Variants in SLC16A7 observed in about 807,000 individuals in gnomAD.
SLC16A7 encodes solute carrier family 16 member 7.
Under a neutral mutation model 34.9 loss-of-function variants are expected in SLC16A7, and 33 were observed. The ratio of observed to expected loss-of-function variants is 0.94; its 90% CI spans 0.72 to 1.26. The LOEUF is 1.26. SLC16A7 is among the 50% of genes most tolerant of loss of function. The probability of loss-of-function intolerance (pLI) is 0.00; values close to 1 mark genes in which losing one functional copy is unlikely to be tolerated. For synonymous variants in SLC16A7, 201 were observed against 206.6 expected, an observed-to-expected ratio of 0.97 and a Z score of 0.23; for missense variants, 573 against 578.1, an observed-to-expected ratio of 0.99 and a Z score of 0.09.
intron 3 of SLC16A7, among the ~76,000 whole-genome samples, chr12:59,725,191 G>A (rs908924268): frequency 3.9e-5 from 6 of 152,042 alleles, no homozygotes; most frequent in South Asian, 2.1e-4. Context: ...ATGGTTTGTC[G>A]TTAAACAGCT....
chr12:59,610,129 T>A (rs1193731831), intron 1 of SLC16A7, among the ~76,000 whole-genome samples: 2 of 152,146 alleles, frequency 1.3e-5, no homozygotes, highest in Admixed American at 6.5e-5. Context: ...GAATCCTCCC[T>A]CTTTGCACAC....
intron 3 of SLC16A7, among the ~76,000 whole-genome samples, chr12:59,754,640 A>G (rs1306646845): frequency 6.6e-6 from 1 of 152,212 alleles, no homozygotes; most frequent in African/African-American, 2.4e-5. Context: ...AAAAGAGTCC[A>G]GGACCAGATG....
At chr12:59,633,021 G>T (rs1489143801) in intron 1 of SLC16A7, among the ~76,000 whole-genome samples, 3 of 151,976 alleles carry the variant, frequency 2.0e-5, no homozygotes, top group Non-Finnish European at 1.5e-5. Flanking sequence ...CCGACTTCCA[G>T]GCCTTGGTTG....
intron 1 of SLC16A7, among the ~76,000 whole-genome samples, chr12:59,601,348 A>G (rs1257653877): frequency 6.6e-6 from 1 of 152,210 alleles, no homozygotes; most frequent in Non-Finnish European, 1.5e-5. Context: ...AGATAAGAAT[A>G]AAAAATAAAA....
At chr12:59,671,823 ATATG>A (rs1469057122) in intron 2 of SLC16A7, among the ~76,000 whole-genome samples, 1 of 137,650 alleles carries the variant, frequency 7.3e-6, no homozygotes, top group South Asian at 2.2e-4. Context: ...ATATATGTGT[ATATG>A]TATATATGTA....
intron 1 of SLC16A7, among the ~76,000 whole-genome samples, chr12:59,651,011 C>A (rs1868333701): frequency 6.6e-6 from 1 of 152,136 alleles, no homozygotes; most frequent in East Asian, 1.9e-4. Context: ...TACTCCCATG[C>A]AGAGCCCTTC....
At chr12:59,604,269 C>T (rs1878829258) in intron 1 of SLC16A7, among the ~76,000 whole-genome samples, 1 of 152,236 alleles carries the variant, frequency 6.6e-6, no homozygotes. Flanking sequence ...ATATAGCGAT[C>T]TACCTCTGGG....
chr12:59,715,288 T>G (rs1874765958), intron 3 of SLC16A7, among the ~76,000 whole-genome samples: 1 of 152,234 alleles, frequency 6.6e-6, no homozygotes, highest in Admixed American at 6.5e-5. Context: ...TTGTTTTCTA[T>G]GTGTTTCCAT....
At chr12:59,777,125 G>A (rs1026868226) in intron 5 of SLC16A7, among the ~76,000 whole-genome samples, 3 of 152,120 alleles carry the variant, frequency 2.0e-5, no homozygotes, top group Admixed American at 2.0e-4. Context: ...CAGATAATGT[G>A]CATTAATATT....
chr12:59,723,403 A>G (rs1054996323), intron 3 of SLC16A7, among the ~76,000 whole-genome samples: 3 of 151,970 alleles, frequency 2.0e-5, no homozygotes, highest in Admixed American at 1.3e-4. Flanking sequence ...GGTGACAAAG[A>G]TGTAGTGCTA....
chr12:59,607,024 T>G (rs1458287921), intron 1 of SLC16A7, among the ~76,000 whole-genome samples: 17 of 152,192 alleles, frequency 1.1e-4, no homozygotes, highest in Admixed American at 1.1e-3. Context: ...ATTTTGTAAA[T>G]AAAGTGTTTT....
At chr12:59,759,185 T>C (rs540083021) in intron 3 of SLC16A7, among the ~76,000 whole-genome samples, 1 of 152,122 alleles carries the variant, frequency 6.6e-6, no homozygotes, top group South Asian at 2.1e-4. Flanking sequence ...TTTTATAGTA[T>C]TTAGGGTAGA....
At chr12:59,749,017 A>G (rs1879205183) in intron 3 of SLC16A7, among the ~76,000 whole-genome samples, 1 of 152,212 alleles carries the variant, frequency 6.6e-6, no homozygotes. Flanking sequence ...GACTTCCAAG[A>G]CATCACTGAA....
At chr12:59,600,636 T>C (rs1468853867) in intron 1 of SLC16A7, among the ~76,000 whole-genome samples, 1 of 152,178 alleles carries the variant, frequency 6.6e-6, no homozygotes, top group Non-Finnish European at 1.5e-5. Flanking sequence ...TTATCACACG[T>C]ATTTGGTAAT....
chr12:59,612,550 T>A (rs540907509), intron 1 of SLC16A7, among the ~76,000 whole-genome samples: 26 of 152,330 alleles, frequency 1.7e-4, no homozygotes, highest in African/African-American at 5.8e-4. Flanking sequence ...TTCTTGTTAC[T>A]TATGCAAATT....
At chr12:59,719,494 A>G (rs1043829803) in intron 3 of SLC16A7, among the ~76,000 whole-genome samples, 6 of 152,140 alleles carry the variant, frequency 3.9e-5, no homozygotes, top group Non-Finnish European at 7.4e-5. Flanking sequence ...TCCCAAAAAA[A>G]TGAGTTAAAC....
chr12:59,603,928 T>C (rs1295359844), intron 1 of SLC16A7, among the ~76,000 whole-genome samples: 2 of 152,216 alleles, frequency 1.3e-5, no homozygotes, highest in Non-Finnish European at 2.9e-5. Context: ...TGTTTCTACC[T>C]AGGGTCTTTG....
At chr12:59,697,202 A>G (rs1362051735) in intron 2 of SLC16A7, among the ~76,000 whole-genome samples, 1 of 152,010 alleles carries the variant, frequency 6.6e-6, no homozygotes, top group Non-Finnish European at 1.5e-5. Context: ...CAGAATTCCT[A>G]GGTGATATTC....
At position 59,698,016 on chromosome 12, in the gene SLC16A7, A is replaced by G. The variant is rs936307789; in HGVS notation, c.-30-6756A>G. Among the ~76,000 whole-genome samples the G allele has an allele frequency of 3.3e-5, 5 of 151,842 alleles. No homozygotes were observed. The East Asian group carries it at 9.6e-4, about 29-fold the overall frequency. On this transcript the variant is annotated intron_variant, in intron 2 of 5. Transcript: ENST00000547379. Reference sequence around the variant, plus strand: ...GATGGGAAAGATGGGTAGTAAATAAATCAGTAGAAATGTTATTTGAAGGCA... The same window carrying G: ...GATGGGAAAGATGGGTAGTAAATAAGTCAGTAGAAATGTTATTTGAAGGCA...
Sources: gnomAD v4.1 joint callset for allele counts (sites outside exome capture counted in the v4.1 genomes callset) on GRCh38, gnomAD v4.1.1 for gene constraint, MANE v1.5 for transcripts, NCBI Gene and HGNC (gene_info 2026-07-23, HGNC 2026-07-21) for gene names.